Variants in SRBD1 observed in about 807,000 individuals in gnomAD.
The protein encoded by SRBD1 is S1 RNA binding domain 1.
A neutral mutation model predicts 115.3 loss-of-function variants in SRBD1; 88 were observed. The ratio of observed to expected loss-of-function variants is 0.76; its 90% CI spans 0.64 to 0.91. SRBD1 has a LOEUF of 0.91. Among genes scored for constraint, SRBD1 ranks in the 40% least tolerant of loss-of-function variants. SRBD1 has a pLI of 0.00. For missense variants in SRBD1, 1,385 were observed against 1,177.4 expected (o/e 1.18, Z -2.58); for synonymous variants, 509 against 407.7 (o/e 1.25, Z -2.99).
intron 4 of SRBD1, among the ~76,000 whole-genome samples, chr2:45,591,862 C>G (rs1558500030): frequency 6.6e-6 from 1 of 152,180 alleles, no homozygotes; most frequent in Non-Finnish European, 1.5e-5. Context: ...GGAGAAGCAA[C>G]TTCCCGGACA....
intron 10 of SRBD1, among the ~76,000 whole-genome samples, chr2:45,556,904 T>A (rs1162050296): frequency 6.6e-6 from 1 of 152,168 alleles, no homozygotes; most frequent in Non-Finnish European, 1.5e-5. Flanking sequence ...GCCTAATACA[T>A]TCTATGTAAG....
rs76404063 is a variant in SRBD1 at position 45,432,639 on chromosome 2, C to A, written c.2050-12745G>T. Among the ~76,000 whole-genome samples the A allele has an allele frequency of 3.5e-3, 538 of 152,316 alleles. 9 individuals carry two copies. Among genetic ancestry groups the A allele is most frequent in the African/African-American group, 0.012 (514 of 41,554 alleles). On this transcript the variant is annotated intron_variant, in intron 16 of 20. Coordinates refer to ENST00000263736, the MANE Select transcript of SRBD1 (RefSeq NM_018079.5). ...AGAAGCAAGAGGGCCTGAGGGCTAA[C>A]AGTGCCAATAATCCCTAAGGACTTC...
Position 45,562,665 on chromosome 2 carries a change from C to T in SRBD1, c.1397G>A (p.Cys466Tyr). 8 of 1,604,174 alleles carry T rather than the reference C, an allele frequency of 5.0e-6. No individual in the cohort carries two copies. Among genetic ancestry groups the T allele is most frequent in the South Asian group, 1.1e-5 (1 of 88,950 alleles). The change falls in exon 10 of 21, where the codon TGC (cysteine) becomes TAC (tyrosine). Residue 466 changes from cysteine (C) to tyrosine (Y), a missense_variant. By Grantham distance (194) the Cys-to-Tyr change is radical. Transcript: ENST00000263736. ...DGVKDEFCRW[C>Y]IQNRWRPRSF... ...TCTGTAAACAGACCTGTTTTGGATG[C>T]ACCACCTACAGAATTCATCCTTCAC...
At chr2:45,504,597 T>A (rs1409408012) in intron 14 of SRBD1, among the ~76,000 whole-genome samples, 2 of 152,226 alleles carry the variant, frequency 1.3e-5, no homozygotes, top group Non-Finnish European at 2.9e-5. Context: ...AATAGTTTTT[T>A]AAGCCTTCCT....
intron 7 of SRBD1, among the ~76,000 whole-genome samples, chr2:45,576,617 T>G (rs943104455): frequency 6.6e-6 from 1 of 152,232 alleles, no homozygotes; most frequent in Non-Finnish European, 1.5e-5. Flanking sequence ...ACTGTATATC[T>G]AATGGACTTA....
chr2:45,453,476 G>A (rs1184213630), intron 16 of SRBD1, among the ~76,000 whole-genome samples: 2 of 151,646 alleles, frequency 1.3e-5, no homozygotes, highest in African/African-American at 4.8e-5. Flanking sequence ...ATTTAAGTTT[G>A]TTATTAACAA....
At chr2:45,464,003 A>G (rs1669404649) in intron 16 of SRBD1, among the ~76,000 whole-genome samples, 1 of 152,186 alleles carries the variant, frequency 6.6e-6, no homozygotes, top group Non-Finnish European at 1.5e-5. Flanking sequence ...TACACTTTAC[A>G]TTGTAAGTCC....
chr2:45,415,525 T>C (rs907416301), intron 18 of SRBD1, among the ~76,000 whole-genome samples: 2 of 146,666 alleles, frequency 1.4e-5, no homozygotes, highest in South Asian at 2.1e-4. Context: ...TGTATATGTA[T>C]ATACACACGT....
chr2:45,569,733 G>A (rs1451163173), intron 9 of SRBD1, among the ~76,000 whole-genome samples: 1 of 151,808 alleles, frequency 6.6e-6, no homozygotes, highest in Admixed American at 6.6e-5. Flanking sequence ...CACAACATAG[G>A]ACCCACCTCT....
chr2:45,432,818 A>G (rs779086066), intron 16 of SRBD1, among the ~76,000 whole-genome samples: 7 of 152,212 alleles, frequency 4.6e-5, no homozygotes, highest in Non-Finnish European at 8.8e-5. Context: ...ACAAAGGAAT[A>G]TAAGTGATCA....
chr2:45,445,688 T>C (rs777528422), intron 16 of SRBD1, among the ~76,000 whole-genome samples: 4 of 151,726 alleles, frequency 2.6e-5, no homozygotes, highest in Non-Finnish European at 4.4e-5. Flanking sequence ...ACTTAAACCA[T>C]GCCAGAGTCC....
rs555235774 is a variant in SRBD1, at chr2:45,574,640, A to G, written c.1156T>C (p.Phe386Leu). ...MIAKDKDTLD[F>L]IRNLCQKRHV... ...AGAGATACTCACAAGTTCCGAATGA[A>G]GTCAAGCGTGTCTTTGTCTTTAGCA... The change falls in exon 8 of 21, where the codon TTC (phenylalanine) becomes CTC (leucine). Residue 386 changes from phenylalanine to leucine, a missense_variant. Coordinates refer to ENST00000263736, the MANE Select transcript of SRBD1 (RefSeq NM_018079.5). 2 of 1,613,388 alleles carry G rather than the reference A, an allele frequency of 1.2e-6. No homozygotes were observed. Among genetic ancestry groups the G allele is most frequent in the Non-Finnish European group, 1.7e-6 (2 of 1,179,710 alleles).
chr2:45,402,229 T>A (rs1024082713), intron 19 of SRBD1, among the ~76,000 whole-genome samples: 1 of 152,204 alleles, frequency 6.6e-6, no homozygotes, highest in African/African-American at 2.4e-5. Flanking sequence ...GTTGGGTTAA[T>A]CTACTTTTGG....
chr2:45,554,226 G>A (rs1417148020), intron 10 of SRBD1, among the ~76,000 whole-genome samples: 2 of 152,186 alleles, frequency 1.3e-5, no homozygotes, highest in African/African-American at 4.8e-5. Context: ...TCTCAACCAT[G>A]TGAGGACACA....
chr2:45,561,633 T>A (rs1057127885), intron 10 of SRBD1, among the ~76,000 whole-genome samples: 2 of 152,216 alleles, frequency 1.3e-5, no homozygotes, highest in Non-Finnish European at 2.9e-5. Context: ...TACCTCTTTG[T>A]ATCAGTTTTC....
chr2:45,577,849 T>C (rs1673227899), intron 7 of SRBD1, among the ~76,000 whole-genome samples: 1 of 152,140 alleles, frequency 6.6e-6, no homozygotes, highest in Non-Finnish European at 1.5e-5. Flanking sequence ...ACCTAGCTTA[T>C]ATAGACTTAC....
chr2:45,407,437 C>A (rs554395598), intron 19 of SRBD1, among the ~76,000 whole-genome samples: 2 of 152,152 alleles, frequency 1.3e-5, no homozygotes, highest in African/African-American at 4.8e-5. Flanking sequence ...AACCTTTGTG[C>A]TTCACAAAGG....
rs1039014808 is a variant in SRBD1 at position 45,571,438 on chromosome 2, G to C, written c.1305+1769C>G. ...GAGCAAACCAACCCCAAAACAAGCA[G>C]CAACAACAAACAGGGGAGGGGAGAG... On this transcript the variant is annotated intron_variant, in intron 9 of 20. Transcript: ENST00000263736. Among the ~76,000 whole-genome samples the C allele has an allele frequency of 4.4e-5, 6 of 137,640 alleles. 1 individual carries two copies. The highest frequency in any genetic ancestry group is 1.6e-4 in the African/African-American group (6 of 37,208). 90.3% of individuals were successfully genotyped at this position (137,640 alleles called of 152,430 possible). A position where few individuals can be genotyped will look rare whatever the true frequency, so the allele number is the denominator to read the frequency against.
intron 16 of SRBD1, among the ~76,000 whole-genome samples, chr2:45,453,367 T>G (rs1437081103): frequency 2.0e-5 from 3 of 151,744 alleles, no homozygotes; most frequent in African/African-American, 7.3e-5. Context: ...CCCTCCAGAG[T>G]TAAGCACTTT....
Sources: gnomAD v4.1 joint callset for allele counts (sites outside exome capture counted in the v4.1 genomes callset) on GRCh38, gnomAD v4.1.1 for gene constraint, MANE v1.5 for transcripts, NCBI Gene and HGNC (gene_info 2026-07-23, HGNC 2026-07-21) for gene names.